VPS13B: variants seen among roughly 807,000 people sequenced by gnomAD.
VPS13B encodes intermembrane lipid transfer protein VPS13B.
Under a neutral mutation model 426.4 loss-of-function variants are expected in VPS13B, and 285 were observed. The ratio of observed to expected loss-of-function variants is 0.67; its 90% CI spans 0.61 to 0.74. The LOEUF is 0.74. VPS13B is among the 30% of genes least tolerant of loss of function. The pLI is 0.00. For missense variants in VPS13B, 4,537 were observed against 4,782.6 expected, an observed-to-expected ratio of 0.95 and a Z score of 1.51; for synonymous variants, 1,676 against 1,676.4, an observed-to-expected ratio of 1.00 and a Z score of 0.01.
chr8:99,234,769 C>A (rs746977561), intron 17 of VPS13B, among the ~76,000 whole-genome samples: 63 of 152,180 alleles, frequency 4.1e-4, no homozygotes, highest in Non-Finnish European at 5.9e-4. Context: ...ATTAATAAAA[C>A]ATTTAAACTA....
chr8:99,664,165 C>T (rs1320229497), intron 35 of VPS13B, among the ~76,000 whole-genome samples: 1 of 151,836 alleles, frequency 6.6e-6, no homozygotes, highest in Non-Finnish European at 1.5e-5. Context: ...CACCATCACA[C>T]CCGGCTAATT....
At chr8:99,786,880 A>G (rs966054104) in intron 43 of VPS13B, among the ~76,000 whole-genome samples, 11 of 152,146 alleles carry the variant, frequency 7.2e-5, no homozygotes, top group Admixed American at 7.2e-4. Flanking sequence ...CCTTACATTC[A>G]TTACATTCAC....
At chr8:99,345,823 G>C (rs2133197762) in intron 19 of VPS13B, among the ~76,000 whole-genome samples, 1 of 152,290 alleles carries the variant, frequency 6.6e-6, no homozygotes, top group Middle Eastern at 3.4e-3. Context: ...AAACCGGAAG[G>C]CAAGGGGCTG....
At chr8:99,127,663 C>A (rs1247900248) in intron 8 of VPS13B, among the ~76,000 whole-genome samples, 2 of 152,196 alleles carry the variant, frequency 1.3e-5, no homozygotes, top group South Asian at 4.1e-4. Context: ...CCTTTGCATT[C>A]TTAAAAATTA....
chr8:99,839,992 G>A (rs1385565365), intron 54 of VPS13B, among the ~76,000 whole-genome samples: 1 of 152,204 alleles, frequency 6.6e-6, no homozygotes, highest in African/African-American at 2.4e-5. Context: ...TTTCCTAAGT[G>A]TTCCCTTATC....
At position 99,699,619 on chromosome 8, in the gene VPS13B, T is replaced by C. The variant is rs761542645; in HGVS notation, c.6141T>C (p.Asn2047=). ...QINLFLKKIK[N]AHSLAHSEET... The stretch of plus-strand genomic sequence containing the variant: ...ACCTTTTTTTAAAGAAGATAAAAAA[T>C]GCACACAGTTTGGCACATAGTGAAG... Residue 2047 remains asparagine (N), a synonymous_variant, in exon 36 of 62, where the codon AAT becomes AAC. Coordinates refer to ENST00000357162, the MANE Select transcript of VPS13B (RefSeq NM_152564.5). 1.2e-6 allele frequency: 2 copies of C among 1,613,992 alleles called. No individual in the cohort carries two copies. The highest frequency in any genetic ancestry group is 2.7e-5 in the African/African-American group (2 of 74,920).
At chr8:99,617,183 T>C (rs916279045) in intron 33 of VPS13B, among the ~76,000 whole-genome samples, 2 of 152,218 alleles carry the variant, frequency 1.3e-5, no homozygotes, top group Non-Finnish European at 2.9e-5. Context: ...GCATCTCTCC[T>C]GTACCTCAAA....
At position 99,357,923 on chromosome 8, in the gene VPS13B, A is replaced by T. The variant is rs535005089; in HGVS notation, c.2825-26285A>T. On this transcript the variant is annotated intron_variant, in intron 19 of 61. Transcript: ENST00000357162. Reference sequence around the variant, plus strand: ...GATAGACTGTACTGCTTATGTGACCATGGGCAACTTTCTTTGCTTTTCTAA... The same window carrying T: ...GATAGACTGTACTGCTTATGTGACCTTGGGCAACTTTCTTTGCTTTTCTAA... 3.3e-5 allele frequency among the ~76,000 whole-genome samples: 5 copies of T among 152,186 alleles called. No homozygotes were observed. The East Asian group carries it at 7.7e-4, about 23-fold the overall frequency.
At chr8:99,782,919 G>A (rs1159307356) in intron 42 of VPS13B, among the ~76,000 whole-genome samples, 3 of 152,108 alleles carry the variant, frequency 2.0e-5, no homozygotes, top group Admixed American at 6.6e-5. Flanking sequence ...TTGGCGATTA[G>A]TGTGACTATG....
intron 19 of VPS13B, among the ~76,000 whole-genome samples, chr8:99,307,028 A>C (rs1820675772): frequency 6.6e-6 from 1 of 152,128 alleles, no homozygotes; most frequent in Non-Finnish European, 1.5e-5. Context: ...TTACTACATG[A>C]ATAAAAGTAC....
intron 33 of VPS13B, among the ~76,000 whole-genome samples, chr8:99,581,769 G>T (rs148016976): frequency 2.0e-5 from 3 of 152,080 alleles, no homozygotes; most frequent in African/African-American, 2.4e-5. Flanking sequence ...CTCAACCTGC[G>T]TTATGACAGG....
In VPS13B at chr8:99,778,698, A is replaced by G; in HGVS notation, c.7446A>G (p.Leu2482=). 1.9e-6 allele frequency: 3 copies of G among 1,613,900 alleles called. No individual in the cohort carries two copies. The highest frequency in any genetic ancestry group is 2.2e-5 in the South Asian group (2 of 91,078). Residue 2482 remains leucine (L), a synonymous_variant, in exon 42 of 62, where the codon CTA becomes CTG. Coordinates refer to ENST00000357162, the MANE Select transcript of VPS13B (RefSeq NM_152564.5). ...TCTCAACAGCTGCACCACAGTACCT[A>G]CAGCCATTTGTTTCCGACAGAAATA... ...DQLGTAAPQY[L]QPFVSDRNMP... is the part of the protein sequence containing the mutation.
intron 3 of VPS13B, among the ~76,000 whole-genome samples, chr8:99,074,546 T>C (rs1845019657): frequency 6.6e-6 from 1 of 152,040 alleles, no homozygotes; most frequent in African/African-American, 2.4e-5. Flanking sequence ...TAGTATATTA[T>C]GATGCTTATT....
intron 44 of VPS13B, among the ~76,000 whole-genome samples, chr8:99,813,759 C>T (rs1348698345): frequency 6.6e-6 from 1 of 152,200 alleles, no homozygotes; most frequent in Non-Finnish European, 1.5e-5. Flanking sequence ...AAAATCTAAA[C>T]CTCACCATTC....
chr8:99,291,766 A>C (rs1257523144), intron 19 of VPS13B, among the ~76,000 whole-genome samples: 1 of 152,130 alleles, frequency 6.6e-6, no homozygotes, highest in African/African-American at 2.4e-5. Context: ...AAAGGATTGC[A>C]CATGAGTGGA....
At chr8:99,167,685 TTGA>T (rs1217149730) in intron 15 of VPS13B, among the ~76,000 whole-genome samples, 3 of 152,098 alleles carry the variant, frequency 2.0e-5, no homozygotes, top group African/African-American at 7.2e-5. Context: ...TGTTAAAATC[TTGA>T]TGATGTATTC....
At chr8:99,021,872 C>T (rs1039883693) in intron 2 of VPS13B, among the ~76,000 whole-genome samples, 1 of 152,110 alleles carries the variant, frequency 6.6e-6, no homozygotes, top group African/African-American at 2.4e-5. Flanking sequence ...CTCAGCCTCC[C>T]AAAGTGTTGG....
intron 15 of VPS13B, among the ~76,000 whole-genome samples, chr8:99,161,473 G>A (rs182932880): frequency 2.0e-5 from 3 of 152,184 alleles, no homozygotes; most frequent in East Asian, 3.9e-4. Flanking sequence ...ACTTCTTCAC[G>A]ATTTCTACTT....
At position 99,275,273 on chromosome 8, in the gene VPS13B, T is replaced by C; in HGVS notation, c.2824+19T>C. 6.4e-7 allele frequency: 1 copy of C among 1,573,262 alleles called. No individual in the cohort carries two copies. Among genetic ancestry groups the C allele is most frequent in the Non-Finnish European group, 8.6e-7 (1 of 1,165,478 alleles). Reference sequence around the variant, plus strand: ...AATTCCGGTAAGTACAAACCTATCATTATTCCCTTGTTTTGCTTTTTTTTT... The same window carrying C: ...AATTCCGGTAAGTACAAACCTATCACTATTCCCTTGTTTTGCTTTTTTTTT... On this transcript the variant is annotated intron_variant, in intron 19 of 61. Transcript: ENST00000357162.
Sources: allele counts gnomAD v4.1 joint callset (sites outside exome capture counted in the v4.1 genomes callset), GRCh38; gene constraint gnomAD v4.1.1; transcripts MANE v1.5; gene names NCBI Gene and HGNC (gene_info 2026-07-23, HGNC 2026-07-21).